The following TBC1D5 variants were observed in gnomAD, a reference collection of about 807,000 sequenced individuals.
The protein encoded by TBC1D5 is TBC1 domain family member 5, also known as TBC1 domain family, member 5.
TBC1D5 carries 75 observed loss-of-function variants against 100.3 expected under a neutral mutation model. The observed-to-expected ratio is 0.75, with a 90% CI of 0.62 to 0.91. The LOEUF is 0.91. Ranked by LOEUF, TBC1D5 falls within the 40% of genes least tolerant of loss-of-function variation. TBC1D5 has a pLI of 0.00. For missense variants in TBC1D5, 910 were observed against 942.4 expected (o/e 0.97, Z 0.45); for synonymous variants, 323 against 325.6 (o/e 0.99, Z 0.09).
At chr3:17,409,918 G>A (rs1342268288) in intron 4 of TBC1D5, among the ~76,000 whole-genome samples, 1 of 152,176 alleles carries the variant, frequency 6.6e-6, no homozygotes, top group Non-Finnish European at 1.5e-5. Flanking sequence ...AGAAGCTGCA[G>A]TAAGTTACAC....
chr3:17,291,411 C>T (rs1042667303), intron 15 of TBC1D5, among the ~76,000 whole-genome samples: 2 of 152,084 alleles, frequency 1.3e-5, no homozygotes, highest in East Asian at 1.9e-4. Flanking sequence ...TACTCTTAAC[C>T]GCCCAAATAA....
At chr3:17,284,845 G>A (rs1405677436) in intron 15 of TBC1D5, among the ~76,000 whole-genome samples, 1 of 152,062 alleles carries the variant, frequency 6.6e-6, no homozygotes, top group Non-Finnish European at 1.5e-5. Flanking sequence ...CTGATTGGAT[G>A]TGAAAATACA....
chr3:17,174,252 T>C (rs2067468767), intron 19 of TBC1D5, among the ~76,000 whole-genome samples: 1 of 152,290 alleles, frequency 6.6e-6, no homozygotes, highest in Admixed American at 6.5e-5. Context: ...GAATGTTTCC[T>C]GAAACTGCAC....
chr3:17,483,117 G>A (rs1026324904), intron 3 of TBC1D5, among the ~76,000 whole-genome samples: 3 of 151,698 alleles, frequency 2.0e-5, no homozygotes, highest in African/African-American at 7.3e-5. Context: ...TGTTTCCATC[G>A]CTTGCTCTCA....
At chr3:17,314,125 C>G (rs283948) in intron 13 of TBC1D5, among the ~76,000 whole-genome samples, 64,912 of 151,996 alleles carry the variant, frequency 0.43, 14,611 homozygotes, top group Middle Eastern at 0.5. Flanking sequence ...TCCAGAGAAA[C>G]GCACTGATAA....
At chr3:17,482,989 G>C (rs562138740) in intron 3 of TBC1D5, among the ~76,000 whole-genome samples, 1 of 152,166 alleles carries the variant, frequency 6.6e-6, no homozygotes, top group African/African-American at 2.4e-5. Context: ...CTAAGCACAG[G>C]CTTATTTTTC....
intron 2 of TBC1D5, among the ~76,000 whole-genome samples, chr3:17,606,959 T>C (rs962532660): frequency 6.6e-6 from 1 of 152,194 alleles, no homozygotes; most frequent in African/African-American, 2.4e-5. Context: ...ATCAAATTCC[T>C]TTACAATAAT....
rs181781477 is a variant in TBC1D5, at chr3:17,210,378, G to C, written c.1752+3829C>G. Among the ~76,000 whole-genome samples, 660 of 151,944 alleles carry C rather than the reference G, an allele frequency of 4.3e-3. 7 individuals are homozygous for C. The highest frequency in any genetic ancestry group is 0.015 in the African/African-American group (624 of 41,420). ...AATTTCTGTATTTTTAGTAGCGATGGGGTTTCACCATGTTGGTCAGGCTGG... is the reference window on the plus strand; with the variant it reads ...AATTTCTGTATTTTTAGTAGCGATGCGGTTTCACCATGTTGGTCAGGCTGG... On this transcript the variant is annotated intron_variant, in intron 18 of 21. Transcript: ENST00000253692.
intron 13 of TBC1D5, among the ~76,000 whole-genome samples, chr3:17,314,463 C>G (rs576782143): frequency 5.3e-5 from 8 of 152,248 alleles, no homozygotes; most frequent in Non-Finnish European, 1.2e-4. Flanking sequence ...AGCCTCCTAA[C>G]CTCTCAGGAA....
chr3:17,521,355 C>T (rs147823611), intron 2 of TBC1D5, among the ~76,000 whole-genome samples: 12 of 152,254 alleles, frequency 7.9e-5, no homozygotes, highest in Admixed American at 2.0e-4. Flanking sequence ...GGGTAACTTC[C>T]GCTAAATGAA....
intron 3 of TBC1D5, among the ~76,000 whole-genome samples, chr3:17,467,824 G>C (rs1351404107): frequency 6.6e-6 from 1 of 151,862 alleles, no homozygotes; most frequent in Admixed American, 6.6e-5. Flanking sequence ...TCAAACCCGG[G>C]AGGCAGAGAT....
intron 8 of TBC1D5, among the ~76,000 whole-genome samples, chr3:17,389,964 AT>A (rs1382966995): frequency 4.6e-5 from 7 of 152,100 alleles, no homozygotes; most frequent in Admixed American, 4.6e-4. Flanking sequence ...AAAATCCTTC[AT>A]CAATTTTTAG....
intron 1 of TBC1D5, among the ~76,000 whole-genome samples, chr3:17,652,131 G>T (rs1449433084): frequency 6.6e-6 from 1 of 152,128 alleles, no homozygotes; most frequent in Non-Finnish European, 1.5e-5. Flanking sequence ...AGACAAATTT[G>T]TAAGTCTCTC....
intron 8 of TBC1D5, among the ~76,000 whole-genome samples, chr3:17,393,351 A>G (rs2093412439): frequency 6.6e-6 from 1 of 152,166 alleles, no homozygotes; most frequent in Non-Finnish European, 1.5e-5. Flanking sequence ...AAAACATTCT[A>G]TACTCATGGA....
intron 1 of TBC1D5, among the ~76,000 whole-genome samples, chr3:17,675,844 T>C (rs2153797417): frequency 6.6e-6 from 1 of 152,260 alleles, no homozygotes; most frequent in African/African-American, 2.4e-5. Flanking sequence ...ATTTATTATT[T>C]TACGATTTGG....
chr3:17,332,414 C>T (rs1205299081), intron 13 of TBC1D5, among the ~76,000 whole-genome samples: 3 of 152,088 alleles, frequency 2.0e-5, no homozygotes, highest in Middle Eastern at 3.2e-3. Context: ...CACAATCTTG[C>T]GGATCTGCAA....
intron 3 of TBC1D5, among the ~76,000 whole-genome samples, chr3:17,450,140 G>A (rs375997685): frequency 6.6e-6 from 1 of 152,150 alleles, no homozygotes; most frequent in African/African-American, 2.4e-5. Context: ...CAGAAGAGGG[G>A]CCTGACTGTT....
Position 17,629,003 on chromosome 3 carries a change from G to A in TBC1D5, c.-100-5090C>T, listed in dbSNP as rs550021760. Among the ~76,000 whole-genome samples the A allele has an allele frequency of 2.0e-5, 3 of 152,310 alleles. No individual in the cohort carries two copies. The East Asian group carries it at 5.8e-4, about 29-fold the overall frequency. On this transcript the variant is annotated intron_variant, in intron 1 of 21. Transcript: ENST00000253692. ...GAAAAGAAAGAAATTAACTTTAGAG[G>A]TATGTAGCATTAGTTTTATCTTATG...
At chr3:17,282,608 A>C (rs1218244538) in intron 15 of TBC1D5, among the ~76,000 whole-genome samples, 1 of 152,238 alleles carries the variant, frequency 6.6e-6, no homozygotes, top group African/African-American at 2.4e-5. Context: ...CATGCCGAGC[A>C]ATCATTTCCA....
Sources: gnomAD v4.1 joint callset for allele counts (sites outside exome capture counted in the v4.1 genomes callset) on GRCh38, gnomAD v4.1.1 for gene constraint, MANE v1.5 for transcripts, NCBI Gene and HGNC (gene_info 2026-07-23, HGNC 2026-07-21) for gene names.